PEG3: variants seen among roughly 807,000 people sequenced by gnomAD.
PEG3 encodes the protein paternally-expressed gene 3 protein.
A neutral mutation model predicts 35.5 loss-of-function variants in PEG3; 23 were observed. That is an observed-to-expected ratio of 0.65 (90% CI 0.47 to 0.92). The LOEUF (loss-of-function observed/expected upper bound fraction) is 0.92, where lower values mean the gene tolerates loss of function less well. Ranked by LOEUF, PEG3 falls within the 40% of genes least tolerant of loss-of-function variation. The probability of loss-of-function intolerance (pLI) is 0.00; values close to 1 mark genes in which losing one functional copy is unlikely to be tolerated. For missense variants in PEG3, 1,960 were observed against 1,985.3 expected (o/e 0.99, Z 0.24); for synonymous variants, 707 against 697.0 (o/e 1.01, Z -0.23).
chr19:56,835,536 C>G (rs2062005740), intron 2 of PEG3, among the ~76,000 whole-genome samples: 1 of 151,860 alleles, frequency 6.6e-6, no homozygotes, highest in African/African-American at 2.4e-5. Context: ...CCTATGTGGC[C>G]TCTCTAAGAT....
chr19:56,817,200 C>T lies in PEG3; in HGVS notation c.1242G>A (p.Lys414=), dbSNP rs375579267. The change falls in exon 10 of 10, where the codon AAG becomes AAA. Residue 414 remains lysine (K), a synonymous_variant. Coordinates refer to ENST00000326441, the MANE Select transcript of PEG3 (RefSeq NM_006210.3). ...IHDQKGCPRK[K]PFECGSEMRK... is the part of the protein sequence containing the mutation. ...TCATCTCACTACCACATTCAAAGGG[C>T]TTCTTCCTGGGACAGCCTTTTTGAT... The T allele has an allele frequency of 2.8e-5, 45 of 1,614,090 alleles. No homozygotes were observed. Among genetic ancestry groups the T allele is most frequent in the Non-Finnish European group, 3.7e-5 (44 of 1,180,028 alleles).
Position 56,811,433 on chromosome 19 carries a change from G to C in PEG3, c.*2242C>G, listed in dbSNP as rs991700611. The C allele has an allele frequency of 3.3e-6, 3 of 914,158 alleles. No homozygotes were observed. Among genetic ancestry groups the C allele is most frequent in the Non-Finnish European group, 3.9e-6 (3 of 765,098 alleles). 56.6% of individuals were successfully genotyped at this position (914,158 alleles called of 1,614,324 possible). ...TAATGTTCTGTAAATATATTTCCACGTTGCTACATAACTCGTGATTATCAT... is the reference window on the plus strand; with the variant it reads ...TAATGTTCTGTAAATATATTTCCACCTTGCTACATAACTCGTGATTATCAT... On this transcript the variant is annotated 3_prime_UTR_variant, in exon 10 of 10. Coordinates refer to ENST00000326441, the MANE Select transcript of PEG3 (RefSeq NM_006210.3).
At chr19:56,839,434 C>A (rs2062690415) in intron 1 of PEG3, among the ~76,000 whole-genome samples, 1 of 150,120 alleles carries the variant, frequency 6.7e-6, no homozygotes, top group Admixed American at 6.6e-5. Context: ...AGGGCCTGAA[C>A]AGATCGTCAC....
At chr19:56,839,429 C>G (rs887363626) in intron 1 of PEG3, among the ~76,000 whole-genome samples, 1 of 150,706 alleles carries the variant, frequency 6.6e-6, no homozygotes, top group African/African-American at 2.5e-5. Flanking sequence ...CGGGCAGGGC[C>G]TGAACAGATC....
rs148880274 is a variant in PEG3 at position 56,832,393 on chromosome 19, A to T, written c.-163+3625T>A. Among the ~76,000 whole-genome samples the T allele has an allele frequency of 6.3e-3, 955 of 152,098 alleles. 10 individuals carry two copies. The highest frequency in any genetic ancestry group is 0.022 in the African/African-American group (900 of 41,484). ...TGACTGTACCACAGAGGGGGCTAAC[A>T]CGCATCAAGCTCCACACCCAAATCC... On this transcript the variant is annotated intron_variant, in intron 2 of 9. Coordinates refer to ENST00000326441, the MANE Select transcript of PEG3 (RefSeq NM_006210.3).
At position 56,817,459 on chromosome 19, in the gene PEG3, G is replaced by C. The variant is rs1477106471; in HGVS notation, c.983C>G (p.Ser328Trp). ...FIKDVSRSSKSGRARESSDRS... is the reference protein window; with the variant it reads ...FIKDVSRSSKWGRARESSDRS... Reference sequence around the variant, plus strand: ...GTCGCTTGACTCCCTTGCTCTTCCCGATTTGGAACTGCGTGACACATCCTT... The same window carrying C: ...GTCGCTTGACTCCCTTGCTCTTCCCCATTTGGAACTGCGTGACACATCCTT... Residue 328 changes from serine to tryptophan, a missense_variant, in exon 10 of 10, where the codon TCG (serine) becomes TGG (tryptophan). Physicochemically the swap from Ser to Trp is radical, Grantham distance 177. This residue lies in a region of PEG3 where 613 missense variants were observed against 577.1 expected (regional missense o/e 1.06). Transcript: ENST00000326441. 1 of 1,613,412 alleles carries C rather than the reference G, an allele frequency of 6.2e-7. No homozygotes were observed. Among genetic ancestry groups the C allele is most frequent in the South Asian group, 1.1e-5 (1 of 91,036 alleles).
At chr19:56,835,178 C>T (rs1484580628) in intron 2 of PEG3, among the ~76,000 whole-genome samples, 2 of 152,186 alleles carry the variant, frequency 1.3e-5, no homozygotes, top group Admixed American at 1.3e-4. Flanking sequence ...TGCGTCCACC[C>T]TCCCCTTCTG....
At position 56,812,638 on chromosome 19, in the gene PEG3, T is replaced by C. The variant is rs1257702880; in HGVS notation, c.*1037A>G. 7 of 985,684 alleles carry C rather than the reference T, an allele frequency of 7.1e-6. No homozygotes were observed. Among genetic ancestry groups the C allele is most frequent in the Non-Finnish European group, 8.4e-6 (7 of 829,934 alleles). 61.1% of individuals were successfully genotyped at this position (985,684 alleles called of 1,614,324 possible). On this transcript the variant is annotated 3_prime_UTR_variant, in exon 10 of 10. Coordinates refer to ENST00000326441, the MANE Select transcript of PEG3 (RefSeq NM_006210.3). ...GCGCACAAAGGAAGTGATGAAAGGT[T>C]ATTAGCCTGCAACATTATTTACAGC...
Position 56,812,757 on chromosome 19 carries a change from T to A in PEG3, c.*918A>T. On this transcript the variant is annotated 3_prime_UTR_variant, in exon 10 of 10. Transcript: ENST00000326441. ...ATTCTTTAAAGGCAAAGATGTAAGA[T>A]TTACAGGGAAAAGCTTCGGGTTTTA... 1 of 985,014 alleles carries A rather than the reference T, an allele frequency of 1.0e-6. No homozygotes were observed. The highest frequency in any genetic ancestry group is 1.2e-6 in the Non-Finnish European group (1 of 829,394). 61.0% of individuals were successfully genotyped at this position (985,014 alleles called of 1,614,324 possible). A position where few individuals can be genotyped will look rare whatever the true frequency, so the allele number is the denominator to read the frequency against.
rs1260704543 is a variant in PEG3, at chr19:56,814,358, C to G, written c.4084G>C (p.Glu1362Gln). The G allele has an allele frequency of 2.5e-6, 4 of 1,613,862 alleles. No individual in the cohort carries two copies. The highest frequency in any genetic ancestry group is 1.7e-4 in the Middle Eastern group (1 of 6,060). The change falls in exon 10 of 10, where the codon GAA (glutamate) becomes CAA (glutamine). Residue 1362 changes from glutamate to glutamine, a missense_variant. This residue lies in a region of PEG3 where 416 missense variants were observed against 416.7 expected (regional missense o/e 1.00). Coordinates refer to ENST00000326441, the MANE Select transcript of PEG3 (RefSeq NM_006210.3). This position sits in a 1 kb window ranked among gnomAD's most constrained non-coding sequence, Gnocchi z 5.8. ...GCTGCTGCTGCAGCTGCTGCTGCTTCATCTTCTTCTTCTTCTTCCAGATGA... is the reference window on the plus strand; with the variant it reads ...GCTGCTGCTGCAGCTGCTGCTGCTTGATCTTCTTCTTCTTCTTCCAGATGA... Reference protein sequence around the residue: ...ELHLEEEEEDEAAAAAAAAAQ... With the variant: ...ELHLEEEEEDQAAAAAAAAAQ...
chr19:56,813,748 T>A lies in PEG3; in HGVS notation c.4694A>T (p.Lys1565Ile), dbSNP rs142632898. The change falls in exon 10 of 10, where the codon AAA (lysine) becomes ATA (isoleucine). Residue 1565 changes from lysine to isoleucine, a missense_variant. Physicochemically the swap from Lys to Ile is moderately radical, Grantham distance 102. Around this residue, in one of 5 missense-constraint regions of PEG3, gnomAD observed 416 missense variants for 416.7 expected, o/e 1.00. Coordinates refer to ENST00000326441, the MANE Select transcript of PEG3 (RefSeq NM_006210.3). ...GAAGAGCTGCCCACAGACGTCACAT[T>A]TGAAGTACTTCTCATCAGCTTGATT... is the stretch of plus-strand genomic sequence containing the variant. ...GANQADEKYF[K>I]CDVCGQLFND... The A allele has an allele frequency of 1.3e-5, 21 of 1,614,030 alleles. No homozygotes were observed. The highest frequency in any genetic ancestry group is 1.8e-5 in the Non-Finnish European group (21 of 1,180,042).
In PEG3 at chr19:56,810,444, A is replaced by G. The variant is rs936292364; in HGVS notation, c.*3231T>C. 2.0e-6 allele frequency: 2 copies of G among 984,100 alleles called. No individual in the cohort carries two copies. Among genetic ancestry groups the G allele is most frequent in the Non-Finnish European group, 2.4e-6 (2 of 828,706 alleles). The allele number at this position is 984,100 out of a possible 1,614,324, so 61.0% of individuals were successfully genotyped here. A position where few individuals can be genotyped will look rare whatever the true frequency, so the allele number is the denominator to read the frequency against. ...CCATCTTTGACATTTATGCATACTT[A>G]TCACTAACACCCTAATAATCACAGA... On this transcript the variant is annotated 3_prime_UTR_variant, in exon 10 of 10. Coordinates refer to ENST00000326441, the MANE Select transcript of PEG3 (RefSeq NM_006210.3).
chr19:56,816,838 C>T lies in PEG3; in HGVS notation c.1604G>A (p.Cys535Tyr), dbSNP rs749503617. ...KIHARGYLVE[C>Y]KNQECEEAFM... Reference sequence around the variant, plus strand: ...GGCTTCCTCACATTCCTGATTCTTACATTCCACAAGATAACCTCTAGCATG... The same window carrying T: ...GGCTTCCTCACATTCCTGATTCTTATATTCCACAAGATAACCTCTAGCATG... Residue 535 changes from cysteine to tyrosine, a missense_variant, in exon 10 of 10, where the codon TGT becomes TAT. Physicochemically the swap from Cys to Tyr is radical, Grantham distance 194. Around this residue, in one of 5 missense-constraint regions of PEG3, gnomAD observed 798 missense variants for 782.4 expected, o/e 1.02. Coordinates refer to ENST00000326441, the MANE Select transcript of PEG3 (RefSeq NM_006210.3). 3.1e-6 allele frequency: 5 copies of T among 1,614,170 alleles called. No homozygotes were observed. Among genetic ancestry groups the T allele is most frequent in the Admixed American group, 3.3e-5 (2 of 60,028 alleles).
intron 2 of PEG3, among the ~76,000 whole-genome samples, chr19:56,831,677 C>T (rs970572867): frequency 1.3e-5 from 2 of 152,298 alleles, no homozygotes. Context: ...GTTACATAAC[C>T]ATTAAGTCGT....
intron 2 of PEG3, among the ~76,000 whole-genome samples, chr19:56,830,204 A>G (rs1001342992): frequency 1.3e-5 from 2 of 152,230 alleles, no homozygotes; most frequent in Non-Finnish European, 2.9e-5. Flanking sequence ...GGTGTTCAAT[A>G]AACATTATTT....
intron 1 of PEG3, among the ~76,000 whole-genome samples, chr19:56,836,364 C>A (rs1449566043): frequency 6.6e-6 from 1 of 152,196 alleles, no homozygotes; most frequent in Non-Finnish European, 1.5e-5. Flanking sequence ...GGGTGTCTTA[C>A]AACCTTCTCT....
intron 2 of PEG3, among the ~76,000 whole-genome samples, chr19:56,832,920 T>A (rs1196629108): frequency 6.6e-6 from 1 of 152,236 alleles, no homozygotes; most frequent in East Asian, 1.9e-4. Flanking sequence ...ACACTTTACT[T>A]CTATTCCATT....
chr19:56,814,966 C>G lies in PEG3; in HGVS notation c.3476G>C (p.Gly1159Ala). Residue 1159 changes from glycine (G) to alanine (A), a missense_variant, in exon 10 of 10, where the codon GGA (glycine) becomes GCA (alanine). Physicochemically the swap from Gly to Ala is moderately conservative, Grantham distance 60. This residue lies in a region of PEG3 where 124 missense variants were observed against 179.6 expected (regional missense o/e 0.69). Transcript: ENST00000326441. The surrounding 1 kb of genome is among the most constrained non-coding windows in gnomAD (Gnocchi z 5.8). ...CTTTGGACATTCATACAGCTGCTCT[C>G]CAGTGTAATCTCTCTGATACTCGCT... ...SISEYQRDYT[G>A]EQLYECPKCG... 2.5e-6 allele frequency: 4 copies of G among 1,614,104 alleles called. No homozygotes were observed. The highest frequency in any genetic ancestry group is 3.4e-6 in the Non-Finnish European group (4 of 1,179,986).
rs1253884172 is a variant in PEG3 at position 56,817,447 on chromosome 19, C to T, written c.995G>A (p.Arg332Lys). 1.2e-6 allele frequency: 2 copies of T among 1,613,986 alleles called. No individual in the cohort carries two copies. The highest frequency in any genetic ancestry group is 1.7e-5 in the Admixed American group (1 of 60,002). ...VSRSSKSGRA[R>K]ESSDRSQRFP... is the part of the protein sequence containing the mutation. ...TCTCTGTGACCGGTCGCTTGACTCC[C>T]TTGCTCTTCCCGATTTGGAACTGCG... The change falls in exon 10 of 10, where the codon AGG becomes AAG. Residue 332 changes from arginine (R) to lysine (K), a missense_variant. This residue lies in a region of PEG3 where 613 missense variants were observed against 577.1 expected (regional missense o/e 1.06). Transcript: ENST00000326441.
Sources: gnomAD v4.1 joint callset for allele counts (sites outside exome capture counted in the v4.1 genomes callset) on GRCh38, gnomAD v4.1.1 for gene constraint, gnomAD v4.1.1 regional missense constraint, Gnocchi (gnomAD v3.1) non-coding constraint, MANE v1.5 for transcripts, NCBI Gene and HGNC (gene_info 2026-07-23, HGNC 2026-07-21) for gene names.